LILRB2: variants seen among roughly 807,000 people sequenced by gnomAD.
LILRB2 encodes leukocyte immunoglobulin like receptor B2.
In LILRB2, 47 loss-of-function variants were observed where a neutral mutation model predicts 72.7. The observed-to-expected ratio is 0.65, with a 90% CI of 0.51 to 0.82. The LOEUF (loss-of-function observed/expected upper bound fraction) is 0.82. Ranked by LOEUF, LILRB2 falls within the 40% of genes least tolerant of loss-of-function variation. The pLI is 0.00. For missense variants in LILRB2, 767 were observed against 764.8 expected (o/e 1.00, Z -0.03); for synonymous variants, 279 against 313.7 (o/e 0.89, Z 1.17).
chr19:54,275,373 C>T lies in LILRB2; in HGVS notation c.1648-544G>A, dbSNP rs1046642637. On this transcript the variant is annotated intron_variant, in intron 13 of 13. Transcript: ENST00000314446. Reference sequence around the variant, plus strand: ...GTCCATTAGAGGATCGTGTGCCCCACTCTGTCCAGGCTTCTCAGATGACAG... The same window carrying T: ...GTCCATTAGAGGATCGTGTGCCCCATTCTGTCCAGGCTTCTCAGATGACAG... 22 of 515,406 alleles carry T rather than the reference C, an allele frequency of 4.3e-5. No individual in the cohort carries two copies. The Admixed American group carries it at 5.3e-4, about 12-fold the overall frequency. The allele number at this position is 515,406 out of a possible 1,614,324, so 31.9% of individuals were successfully genotyped here. A position where few individuals can be genotyped will look rare whatever the true frequency, so the allele number is the denominator to read the frequency against.
chr19:54,276,664 C>T (rs139172802), intron 10 of LILRB2, 143 bp downstream of exon 10: 47 of 1,481,210 alleles, frequency 3.2e-5, no homozygotes, highest in African/African-American at 3.1e-4. Context: ...ATGGGACTGA[C>T]GTTAAGTGCT....
intron 9 of LILRB2, 64 bp downstream of exon 9, chr19:54,277,486 G>T (rs1234909891): frequency 6.5e-7 from 1 of 1,547,162 alleles, no homozygotes; most frequent in Non-Finnish European, 8.7e-7. Context: ...CCTGAACCTA[G>T]GACAGAACCC....
intron 10 of LILRB2, 96 bp downstream of exon 10, chr19:54,276,711 T>C: frequency 1.3e-6 from 2 of 1,532,140 alleles, no homozygotes; most frequent in Non-Finnish European, 1.8e-6. Context: ...TGGAACAGTT[T>C]CTCAAAGCTG....
Position 54,275,289 on chromosome 19 carries a change from A to G in LILRB2, c.1648-460T>C, listed in dbSNP as rs2147748286. On this transcript the variant is annotated intron_variant, in intron 13 of 13. Coordinates refer to ENST00000314446, the MANE Select transcript of LILRB2 (RefSeq NM_001080978.4). ...GCTGCAGCCTCATGGGCCTTCCCGC[A>G]AGAGCTCGCTGCTGCCTCGGGGCCT... 4.8e-6 allele frequency: 3 copies of G among 629,400 alleles called. No homozygotes were observed. In the East Asian group the frequency reaches 8.5e-5, roughly 18 times the overall value. 39.0% of individuals were successfully genotyped at this position (629,400 alleles called of 1,614,324 possible). A position where few individuals can be genotyped will look rare whatever the true frequency, so the allele number is the denominator to read the frequency against.
At chr19:54,275,627 A>G in intron 13 of LILRB2, 1 of 544,816 alleles carries the variant, frequency 1.8e-6, no homozygotes. Context: ...CCCTGGGAAC[A>G]CTCACTGGTT....
rs2080509186 is a variant in LILRB2, at chr19:54,280,679, G to A, written c.-48-135C>T. On this transcript the variant is annotated intron_variant, in intron 1 of 13. Coordinates refer to ENST00000314446, the MANE Select transcript of LILRB2 (RefSeq NM_001080978.4). ...AAGAAGCGGAACTGCCCTCCCAGGA[G>A]CCTGACTCTCATTCTTTTAGAGCTG... The A allele has an allele frequency of 2.5e-5, 31 of 1,238,530 alleles. No homozygotes were observed. The South Asian group carries it at 4.0e-4, about 16-fold the overall frequency. 76.7% of individuals were successfully genotyped at this position (1,238,530 alleles called of 1,614,324 possible). A position where few individuals can be genotyped will look rare whatever the true frequency, so the allele number is the denominator to read the frequency against.
Position 54,279,817 on chromosome 19 carries a change from C to T in LILRB2, c.329G>A (p.Ser110Asn). 12 of 1,613,958 alleles carry T rather than the reference C, an allele frequency of 7.4e-6. No individual in the cohort carries two copies. The highest frequency in any genetic ancestry group is 1.0e-5 in the Non-Finnish European group (12 of 1,179,972). The change falls in exon 4 of 14, where the codon AGT becomes AAT. Residue 110 changes from serine (S) to asparagine (N), a missense_variant. By Grantham distance (46) the Ser-to-Asn change is conservative (BLOSUM62 1). This residue lies in a region of LILRB2 where 599 missense variants were observed against 568.2 expected (regional missense o/e 1.05). Transcript: ENST00000314446. ...YYSRARWSEL[S>N]DPLVLVMTGA... ...TGTCATCACCAGCACCAGGGGGTCA[C>T]TGAGCTCAGACCACCGAGCGCGGCT...
At position 54,276,889 on chromosome 19, in the gene LILRB2, C is replaced by T. The variant is rs1162047395; in HGVS notation, c.1398G>A (p.Val466=). 1 of 1,613,932 alleles carries T rather than the reference C, an allele frequency of 6.2e-7. No individual in the cohort carries two copies. Among genetic ancestry groups the T allele is most frequent in the Non-Finnish European group, 8.5e-7 (1 of 1,179,988 alleles). ...RHLGVVIGIL[V]AVVLLLLLLL... Reference sequence around the variant, plus strand: ...GGAGGAGGAGCAGTAGGACGACGGCCACCAAGATGCCGATCACAACCCCCA... The same window carrying T: ...GGAGGAGGAGCAGTAGGACGACGGCTACCAAGATGCCGATCACAACCCCCA... Residue 466 remains valine, a synonymous_variant, in exon 10 of 14, where the codon GTG becomes GTA. Transcript: ENST00000314446.
chr19:54,275,308 G>A (rs112657994), intron 13 of LILRB2: 7 of 592,760 alleles, frequency 1.2e-5, no homozygotes, highest in East Asian at 3.0e-5. Context: ...CTGCTGCCTC[G>A]GGGCCTTTGC....
At chr19:54,275,684 C>A in intron 13 of LILRB2, 1 of 607,292 alleles carries the variant, frequency 1.6e-6, no homozygotes, top group Non-Finnish European at 3.1e-6. Flanking sequence ...TCATTTATTC[C>A]TCATCCTCCA....
At chr19:54,279,734 G>C in intron 4 of LILRB2, 57 bp downstream of exon 4, 1 of 1,609,478 alleles carries the variant, frequency 6.2e-7, no homozygotes. Context: ...AGACACCCCT[G>C]AGAGCCTCCT....
chr19:54,278,734 T>G, intron 6 of LILRB2, 78 bp downstream of exon 6: 2 of 1,532,516 alleles, frequency 1.3e-6, no homozygotes, highest in Non-Finnish European at 1.8e-6. Flanking sequence ...CGCCTCATCC[T>G]GGCCATCACT....
Position 54,278,257 on chromosome 19 carries a change from C to T in LILRB2, c.1258+3G>A. ...TCAGAGAGGACAGGGTCAAGGCCCC[C>T]ACCTGAGACCACGAGCTCCAGGGGC... On this transcript the variant is annotated splice_donor_region_variant and intron_variant, in intron 7 of 13. Coordinates refer to ENST00000314446, the MANE Select transcript of LILRB2 (RefSeq NM_001080978.4). 1.2e-6 allele frequency: 2 copies of T among 1,614,134 alleles called. No individual in the cohort carries two copies. Among genetic ancestry groups the T allele is most frequent in the South Asian group, 2.2e-5 (2 of 91,088 alleles).
At position 54,274,375 on chromosome 19, in the gene LILRB2, A is replaced by G. The variant is rs1459223627; in HGVS notation, c.*308T>C. ...TTCATTTGTGGTTTGTACTTTTTCA[A>G]TTTCATTGTGTGATGTGTAATATTT... On this transcript the variant is annotated 3_prime_UTR_variant, in exon 14 of 14. Coordinates refer to ENST00000314446, the MANE Select transcript of LILRB2 (RefSeq NM_001080978.4). 3.1e-6 allele frequency: 1 copy of G among 320,604 alleles called. No individual in the cohort carries two copies. Among genetic ancestry groups the G allele is most frequent in the East Asian group, 5.3e-5 (1 of 18,794 alleles). The allele number at this position is 320,604 out of a possible 1,614,324, so 19.9% of individuals were successfully genotyped here.
intron 9 of LILRB2, chr19:54,277,304 C>G (rs528735384): frequency 7.3e-7 from 1 of 1,364,008 alleles, no homozygotes; most frequent in Non-Finnish European, 1.0e-6. Flanking sequence ...GACAGGCCCC[C>G]GCGGAATCGA....
At chr19:54,279,174 C>G in intron 5 of LILRB2, 66 bp from the exon 6 acceptor site, 2 of 1,571,852 alleles carry the variant, frequency 1.3e-6, no homozygotes, top group Admixed American at 3.6e-5. Flanking sequence ...CCTCCCTCTC[C>G]CCCGGTGCCT....
chr19:54,277,338 CCTCCT>C, intron 9 of LILRB2: 1 of 1,207,500 alleles, frequency 8.3e-7, no homozygotes, highest in Non-Finnish European at 1.2e-6. Context: ...CCCTGAGGGG[CCTCCT>C]CTCCCAGGAG....
Position 54,279,993 on chromosome 19 carries a change from C to G in LILRB2, c.153G>C (p.Gly51=), listed in dbSNP as rs1332904225. 6.2e-7 allele frequency: 1 copy of G among 1,614,098 alleles called. No homozygotes were observed. Among genetic ancestry groups the G allele is most frequent in the African/African-American group, 1.3e-5 (1 of 75,034 alleles). Reference sequence around the variant, plus strand: ...GACGGTACTCCTGGGCTTCAAGGCTCCCCTGACAACTGAGGGTGACGGGAC... The same window carrying G: ...GACGGTACTCCTGGGCTTCAAGGCTGCCCTGACAACTGAGGGTGACGGGAC... ...QGSPVTLSCQ[G]SLEAQEYRLY... The change falls in exon 4 of 14, where the codon GGG becomes GGC. Residue 51 remains glycine (G), a synonymous_variant. Transcript: ENST00000314446.
intron 10 of LILRB2, 166 bp from the exon 11 acceptor site, chr19:54,276,622 G>A (rs553778153): frequency 4.9e-6 from 7 of 1,422,430 alleles, no homozygotes; most frequent in Non-Finnish European, 6.7e-6. Context: ...TTGTAGATGG[G>A]ACTGAGCCCG....
Sources: gnomAD v4.1 joint callset for allele counts on GRCh38, gnomAD v4.1.1 for gene constraint, gnomAD v4.1.1 regional missense constraint, MANE v1.5 for transcripts, NCBI Gene and HGNC (gene_info 2026-07-23, HGNC 2026-07-21) for gene names.